The following ZNRF2 variants were observed in gnomAD, a reference collection of about 807,000 sequenced individuals.
ZNRF2 encodes zinc and ring finger 2.
In ZNRF2, 16 loss-of-function variants were observed where a neutral mutation model predicts 20.4. The ratio of observed to expected loss-of-function variants is 0.79; its 90% CI spans 0.53 to 1.19. The LOEUF (loss-of-function observed/expected upper bound fraction) is 1.19. ZNRF2 is among the 50% of genes most tolerant of loss of function. ZNRF2 has a pLI of 0.00. For missense variants in ZNRF2, 363 were observed against 332.4 expected (o/e 1.09, Z -0.72); for synonymous variants, 178 against 144.9 (o/e 1.23, Z -1.64).
Position 30,285,816 on chromosome 7 carries a change from C to T in ZNRF2, c.459C>T (p.His153=), listed in dbSNP as rs745452890. The change falls in exon 1 of 5, where the codon CAC becomes CAT. Residue 153 remains histidine (H), a synonymous_variant. Transcript: ENST00000323037. ...CCTTACCAGCTCACCTCTCGCCGCA[C>T]ATGTTTGGAGGTACGGACCCCTCTC... ...IGSLPAHLSP[H]MFGGFKCPVC... 7.2e-5 allele frequency: 110 copies of T among 1,524,028 alleles called. No homozygotes were observed. Among genetic ancestry groups the T allele is most frequent in the Middle Eastern group, 6.9e-4 (3 of 4,356 alleles). 94.4% of individuals were successfully genotyped at this position (1,524,028 alleles called of 1,614,324 possible). A position where few individuals can be genotyped will look rare whatever the true frequency, so the allele number is the denominator to read the frequency against.
intron 2 of ZNRF2, among the ~76,000 whole-genome samples, chr7:30,340,883 G>C (rs1332634490): frequency 1.3e-5 from 2 of 151,826 alleles, no homozygotes; most frequent in Admixed American, 6.6e-5. Context: ...GGCTTTTTTT[G>C]GTTGATAGGC....
rs1798831071 is a variant in ZNRF2, at chr7:30,288,204, T to A, written c.469+2378T>A. Among the ~76,000 whole-genome samples, 3 of 152,340 alleles carry A rather than the reference T, an allele frequency of 2.0e-5. No individual in the cohort carries two copies. The South Asian group carries it at 6.2e-4, about 32-fold the overall frequency. ...TTCACATTTACTTAACTTTTTAGTA[T>A]CTATTATAACATTATTGTGTTTATT... On this transcript the variant is annotated intron_variant, in intron 1 of 4. Coordinates refer to ENST00000323037, the MANE Select transcript of ZNRF2 (RefSeq NM_147128.4).
intron 1 of ZNRF2, among the ~76,000 whole-genome samples, chr7:30,295,719 C>G (rs929553478): frequency 2.0e-5 from 3 of 152,162 alleles, no homozygotes; most frequent in Non-Finnish European, 4.4e-5. Context: ...CAAAACAAAA[C>G]AAAAACCTGC....
chr7:30,313,740 A>G (rs771625645), intron 1 of ZNRF2, among the ~76,000 whole-genome samples: 3 of 151,878 alleles, frequency 2.0e-5, no homozygotes, highest in Admixed American at 2.0e-4. Context: ...CACATCAGTG[A>G]AGAATAAAAA....
In ZNRF2 at chr7:30,366,604, CCCA is replaced by C. The variant is rs763934394; in HGVS notation, c.*594_*596del. The C allele has an allele frequency of 2.0e-5, 3 of 152,378 alleles. No individual in the cohort carries two copies. The highest frequency in any genetic ancestry group is 2.9e-5 in the Non-Finnish European group (2 of 67,948). 9.4% of individuals were successfully genotyped at this position (152,378 alleles called of 1,614,324 possible). ...GATCTCAAGTTCTTCCATTTTCTCC[CCCA>C]CGAGTGGAAAATAGACTTCTACATA... On this transcript the variant is annotated 3_prime_UTR_variant, in exon 5 of 5. Transcript: ENST00000323037.
At position 30,295,066 on chromosome 7, in the gene ZNRF2, T is replaced by A. The variant is rs1461302671; in HGVS notation, c.469+9240T>A. ...GAGAGAGAGAGTGTGTGTGTGTGTG[T>A]GTGTGTGTGTGTGTGTGTGTGTGTG... On this transcript the variant is annotated intron_variant, in intron 1 of 4. Coordinates refer to ENST00000323037, the MANE Select transcript of ZNRF2 (RefSeq NM_147128.4). Among the ~76,000 whole-genome samples, 264 of 135,978 alleles carry A rather than the reference T, an allele frequency of 1.9e-3. 4 individuals are homozygous for A. Among genetic ancestry groups the A allele is most frequent in the African/African-American group, 4.8e-3 (154 of 32,324 alleles). The allele number at this position is 135,978 out of a possible 152,430, so 89.2% of individuals were successfully genotyped here. A position where few individuals can be genotyped will look rare whatever the true frequency, so the allele number is the denominator to read the frequency against.
At chr7:30,357,369 T>A (rs1248509303) in intron 3 of ZNRF2, among the ~76,000 whole-genome samples, 1 of 152,142 alleles carries the variant, frequency 6.6e-6, no homozygotes, top group East Asian at 1.9e-4. Flanking sequence ...TCATACATAC[T>A]TTTGAGTAAC....
At chr7:30,357,319 GACT>G (rs1800056559) in intron 3 of ZNRF2, among the ~76,000 whole-genome samples, 1 of 152,228 alleles carries the variant, frequency 6.6e-6, no homozygotes, top group South Asian at 2.1e-4. Context: ...GCTGTACACT[GACT>G]ACTATTAGAT....
chr7:30,311,113 T>C (rs954069398), intron 1 of ZNRF2, among the ~76,000 whole-genome samples: 1 of 152,180 alleles, frequency 6.6e-6, no homozygotes, highest in African/African-American at 2.4e-5. Flanking sequence ...CTCTCTGCGC[T>C]GTATGTAAGC....
chr7:30,354,981 T>G (rs1800014553), intron 2 of ZNRF2, among the ~76,000 whole-genome samples: 1 of 152,192 alleles, frequency 6.6e-6, no homozygotes, highest in African/African-American at 2.4e-5. Context: ...AACCTTAACA[T>G]TTTTTCAAAA....
intron 1 of ZNRF2, among the ~76,000 whole-genome samples, chr7:30,315,649 T>G (rs1799357899): frequency 7.0e-6 from 1 of 142,828 alleles, no homozygotes; most frequent in Non-Finnish European, 1.5e-5. Flanking sequence ...ATTTGTTAGG[T>G]ACACAGTGTG....
intron 1 of ZNRF2, among the ~76,000 whole-genome samples, chr7:30,299,205 A>G (rs1230750267): frequency 3.9e-5 from 6 of 152,292 alleles, no homozygotes; most frequent in Admixed American, 2.6e-4. Flanking sequence ...AGGCAGGTGG[A>G]TCACCTGAGG....
At chr7:30,328,286 T>TTTTTTATATTTTATAAATTTA (rs1201336168) in intron 2 of ZNRF2, among the ~76,000 whole-genome samples, 1 of 152,212 alleles carries the variant, frequency 6.6e-6, no homozygotes, top group African/African-American at 2.4e-5. Context: ...TTTAGTCAAC[T>TTTTTTATATTTTATAAATTTA]GGATTCCTCA....
chr7:30,326,989 T>C (rs552812307), intron 2 of ZNRF2, among the ~76,000 whole-genome samples: 1 of 152,350 alleles, frequency 6.6e-6, no homozygotes. Flanking sequence ...GTTTGCTTTT[T>C]TCTTGTAAAT....
intron 3 of ZNRF2, among the ~76,000 whole-genome samples, chr7:30,356,296 A>T (rs530019704): frequency 6.6e-6 from 1 of 150,678 alleles, no homozygotes; most frequent in Admixed American, 6.6e-5. Context: ...AAAAAAAAAA[A>T]GTTTAAGGTA....
chr7:30,311,672 C>G (rs1308751090), intron 1 of ZNRF2, among the ~76,000 whole-genome samples: 1 of 152,140 alleles, frequency 6.6e-6, no homozygotes, highest in Non-Finnish European at 1.5e-5. Context: ...CTTGAAAATC[C>G]TTGTAGAACC....
At chr7:30,298,148 A>G (rs915304233) in intron 1 of ZNRF2, among the ~76,000 whole-genome samples, 2 of 151,932 alleles carry the variant, frequency 1.3e-5, no homozygotes, top group Non-Finnish European at 2.9e-5. Context: ...GTTTTTTTTC[A>G]TATATTCCAT....
chr7:30,295,507 C>T (rs543516311), intron 1 of ZNRF2, among the ~76,000 whole-genome samples: 6 of 152,182 alleles, frequency 3.9e-5, no homozygotes, highest in African/African-American at 1.2e-4. Context: ...CTCGGGAGTT[C>T]GAGGCCAGCC....
intron 2 of ZNRF2, among the ~76,000 whole-genome samples, chr7:30,351,435 T>A (rs1799960158): frequency 6.6e-6 from 1 of 152,064 alleles, no homozygotes; most frequent in South Asian, 2.1e-4. Context: ...TTTTAAATTG[T>A]GTAAGCAGTT....
Sources: allele counts gnomAD v4.1 joint callset (sites outside exome capture counted in the v4.1 genomes callset), GRCh38; gene constraint gnomAD v4.1.1; transcripts MANE v1.5; gene names NCBI Gene and HGNC (gene_info 2026-07-23, HGNC 2026-07-21).